The following GSN variants were observed in gnomAD, a reference collection of about 807,000 sequenced individuals.
The protein encoded by GSN is actin-depolymerizing factor.
GSN carries 56 observed loss-of-function variants against 85.7 expected under a neutral mutation model. The observed-to-expected ratio is 0.65, with a 90% CI of 0.53 to 0.82. The LOEUF is 0.82. Among genes scored for constraint, GSN ranks in the 40% least tolerant of loss-of-function variants. The probability of loss-of-function intolerance (pLI) is 0.00; values close to 1 mark genes in which losing one functional copy is unlikely to be tolerated. For synonymous variants in GSN, 373 were observed against 399.1 expected (o/e 0.93, Z 0.78); for missense variants, 857 against 979.8 (o/e 0.87, Z 1.67).
intron 1 of GSN, among the ~76,000 whole-genome samples, chr9:121,278,093 G>A (rs2056891973): frequency 6.6e-6 from 1 of 151,028 alleles, no homozygotes; most frequent in South Asian, 2.1e-4. Context: ...CAGCCTTATA[G>A]CTTTGAAATA....
At chr9:121,257,356 C>G (rs1431624589) in intron 6 of GSN, among the ~76,000 whole-genome samples, 1 of 152,182 alleles carries the variant, frequency 6.6e-6, no homozygotes, top group South Asian at 2.1e-4. Flanking sequence ...GCATAAGGCA[C>G]TATAATTTCC....
chr9:121,321,021 G>A (rs1306847132), intron 10 of GSN, among the ~76,000 whole-genome samples: 5 of 152,282 alleles, frequency 3.3e-5, no homozygotes, highest in African/African-American at 1.2e-4. Context: ...GATCCTCAGC[G>A]AAGGACAGAC....
In GSN at chr9:121,316,984, A is replaced by G. The variant is rs952970921; in HGVS notation, c.754-102A>G. 5.5e-6 allele frequency: 8 copies of G among 1,457,646 alleles called. No individual in the cohort carries two copies. In the African/African-American group the frequency reaches 5.6e-5, roughly 10 times the overall value. The allele number at this position is 1,457,646 out of a possible 1,614,324, so 90.3% of individuals were successfully genotyped here. A position where few individuals can be genotyped will look rare whatever the true frequency, so the allele number is the denominator to read the frequency against. ...CGAGAGGAAGCCCAGGTGTTACTCT[A>G]CAGGGCCATTTGGGACAGGGGGTGG... On this transcript the variant is annotated intron_variant, in intron 7 of 17. Coordinates refer to ENST00000432226, the MANE Select transcript of GSN (RefSeq NM_198252.3).
At chr9:121,302,852 C>T in intron 3 of GSN, 59 bp from the exon 4 acceptor site, 3 of 1,575,572 alleles carry the variant, frequency 1.9e-6, no homozygotes, top group Non-Finnish European at 2.6e-6. Context: ...ACCTCCTCTT[C>T]CTCAGGGGTC....
Position 121,239,365 on chromosome 9 carries a change from A to G in GSN, c.-389+8062A>G, listed in dbSNP as rs530220847. On this transcript the variant is annotated intron_variant, in intron 5 of 24. Transcript: ENST00000373823. ...ATTAGCCAAGTTCAAAAACAGGCAG[A>G]TGTTGTCCATTGAGCCATTTTCTTC... 29 of 450,926 alleles carry G rather than the reference A, an allele frequency of 6.4e-5. No homozygotes were observed. The East Asian group carries it at 1.4e-3, about 21-fold the overall frequency. The allele number at this position is 450,926 out of a possible 1,614,324, so 27.9% of individuals were successfully genotyped here. A position where few individuals can be genotyped will look rare whatever the true frequency, so the allele number is the denominator to read the frequency against.
intron 14 of GSN, 61 bp from the exon 15 acceptor site, chr9:121,328,830 G>T: frequency 6.3e-7 from 1 of 1,582,688 alleles, no homozygotes. Flanking sequence ...CCCAGGGTCC[G>T]ATGAGATGGG....
chr9:121,283,396 C>T (rs1209818329), intron 2 of GSN: 1 of 154,202 alleles, frequency 6.5e-6, no homozygotes, highest in East Asian at 1.9e-4. Flanking sequence ...CTCCCAGGTA[C>T]AAGTGATTCT....
At position 121,242,551 on chromosome 9, in the gene GSN, A is replaced by G. The variant is rs538126247; in HGVS notation, c.-388-5725A>G. 3.9e-5 allele frequency among the ~76,000 whole-genome samples: 6 copies of G among 152,300 alleles called. No homozygotes were observed. In the East Asian group the frequency reaches 1.2e-3, roughly 29 times the overall value. ...ATGGTTCCTTAGAGAGTCTGGTCCA[A>G]GGTTTTTAACTTTTATAAAATATAT... On this transcript the variant is annotated intron_variant, in intron 5 of 24. Coordinates refer to the GSN transcript ENST00000373823.
At chr9:121,220,824 T>G (rs976420896) in intron 4 of GSN, among the ~76,000 whole-genome samples, 1 of 152,268 alleles carries the variant, frequency 6.6e-6, no homozygotes, top group Non-Finnish European at 1.5e-5. Context: ...TTAATCGCGT[T>G]GTTTTGTTTT....
At chr9:121,275,744 G>C (rs1490602149) in intron 1 of GSN, among the ~76,000 whole-genome samples, 3 of 152,164 alleles carry the variant, frequency 2.0e-5, no homozygotes, top group Non-Finnish European at 4.4e-5. Flanking sequence ...TCTTAAAAAA[G>C]AGACCATAAA....
At chr9:121,276,481 T>A (rs992116091) in intron 1 of GSN, among the ~76,000 whole-genome samples, 3 of 152,238 alleles carry the variant, frequency 2.0e-5, no homozygotes, top group African/African-American at 7.2e-5. Flanking sequence ...GACTTGGCTC[T>A]GTGATCCCAT....
chr9:121,287,918 C>T (rs940971725), intron 2 of GSN, among the ~76,000 whole-genome samples: 1 of 152,032 alleles, frequency 6.6e-6, no homozygotes, highest in African/African-American at 2.4e-5. Flanking sequence ...TAGCTGACCA[C>T]GCATCTGCTT....
chr9:121,223,902 A>T (rs903832279), intron 4 of GSN, among the ~76,000 whole-genome samples: 3 of 151,850 alleles, frequency 2.0e-5, no homozygotes, highest in Admixed American at 1.3e-4. Context: ...CAAGTAATCC[A>T]CCCGCCTCGG....
intron 2 of GSN, among the ~76,000 whole-genome samples, chr9:121,296,339 G>A (rs753117208): frequency 6.6e-6 from 1 of 152,212 alleles, no homozygotes; most frequent in Non-Finnish European, 1.5e-5. Context: ...CAGAGGTGAG[G>A]TGGCATGCTG....
Position 121,332,547 on chromosome 9 carries a change from G to A in GSN, c.2140G>A (p.Asp714Asn), listed in dbSNP as rs572648532. Reference protein sequence around the residue: ...SFVGWFLGWDDDYWSVDPLDR... With the variant: ...SFVGWFLGWDNDYWSVDPLDR... ...TGTGGGCTGGTTCCTTGGCTGGGAT[G>A]ATGATTACTGGTCTGTGGACCCCTT... is the stretch of plus-strand genomic sequence containing the variant. The change falls in exon 18 of 18, where the codon GAT becomes AAT. Residue 714 changes from aspartate to asparagine, a missense_variant. Asp to Asn is a conservative substitution (Grantham distance 23, BLOSUM62 1). Transcript: ENST00000432226. This position sits in a 1 kb window ranked among gnomAD's most constrained non-coding sequence, Gnocchi z 4.8. The A allele has an allele frequency of 1.2e-6, 2 of 1,614,156 alleles. No individual in the cohort carries two copies. The highest frequency in any genetic ancestry group is 1.7e-6 in the Non-Finnish European group (2 of 1,180,008).
In GSN at chr9:121,293,647, G is replaced by A. The variant is rs913464282; in HGVS notation, c.-9-8316G>A. The stretch of plus-strand genomic sequence containing the variant: ...TGGGAGGCGGAGGTGGCAGTGAGCC[G>A]AGATCACGCCGCTGCACTCCAGCCT... On this transcript the variant is annotated intron_variant, in intron 2 of 17. Transcript: ENST00000432226. Among the ~76,000 whole-genome samples the A allele has an allele frequency of 4.7e-5, 7 of 147,554 alleles. No individual in the cohort carries two copies. The South Asian group carries it at 1.5e-3, about 31-fold the overall frequency.
intron 10 of GSN, 150 bp from the exon 11 acceptor site, chr9:121,321,118 G>T: frequency 1.1e-6 from 1 of 879,494 alleles, no homozygotes; most frequent in Non-Finnish European, 1.9e-6. Flanking sequence ...TCTGTGAGTT[G>T]GGCAAACCAT....
chr9:121,216,403 C>T (rs1350108360), intron 4 of GSN, among the ~76,000 whole-genome samples: 4 of 152,238 alleles, frequency 2.6e-5, no homozygotes, highest in Admixed American at 6.5e-5. Context: ...CCTCCAGCTA[C>T]GTCTCCACCA....
upstream of GSN, among the ~76,000 whole-genome samples, chr9:121,206,716 A>T (rs74601224): frequency 0.081 from 12,293 of 151,930 alleles, 1,173 homozygotes; most frequent in African/African-American, 0.22. Flanking sequence ...AGGCCATGTT[A>T]CATGAAAAAA....
Sources: gnomAD v4.1 joint callset for allele counts (sites outside exome capture counted in the v4.1 genomes callset) on GRCh38, gnomAD v4.1.1 for gene constraint, Gnocchi (gnomAD v3.1) non-coding constraint, MANE v1.5 for transcripts, NCBI Gene and HGNC (gene_info 2026-07-23, HGNC 2026-07-21) for gene names.